The following NKAIN2 variants were observed in gnomAD, a reference collection of about 807,000 sequenced individuals.
NKAIN2 encodes sodium/potassium-transporting ATPase subunit beta-1-interacting protein 2.
NKAIN2 carries 14 observed loss-of-function variants against 32.6 expected under a neutral mutation model. That is an observed-to-expected ratio of 0.43 (90% CI 0.28 to 0.67). The LOEUF is 0.67. Ranked by LOEUF, NKAIN2 falls within the 30% of genes least tolerant of loss-of-function variation. The pLI is 0.17. For synonymous variants in NKAIN2, 80 were observed against 87.2 expected (o/e 0.92, Z 0.46); for missense variants, 198 against 258.3 (o/e 0.77, Z 1.60).
At chr6:124,713,445 A>G (rs1008339557) in intron 4 of NKAIN2, among the ~76,000 whole-genome samples, 4 of 152,246 alleles carry the variant, frequency 2.6e-5, no homozygotes, top group Non-Finnish European at 5.9e-5. Flanking sequence ...CAAGTCCACT[A>G]TCAGTCAACG....
At chr6:124,069,906 A>G (rs1220993822) in intron 1 of NKAIN2, among the ~76,000 whole-genome samples, 1 of 152,178 alleles carries the variant, frequency 6.6e-6, no homozygotes, top group African/African-American at 2.4e-5. Context: ...AGCTGTGACA[A>G]GTCGTGATTG....
chr6:123,887,675 A>G (rs1239854626), intron 1 of NKAIN2, among the ~76,000 whole-genome samples: 2 of 152,098 alleles, frequency 1.3e-5, no homozygotes, highest in Non-Finnish European at 2.9e-5. Context: ...GATCTTACCA[A>G]AGATCTTCCA....
intron 1 of NKAIN2, among the ~76,000 whole-genome samples, chr6:124,208,122 G>A (rs1790987913): frequency 6.6e-6 from 1 of 151,780 alleles, no homozygotes; most frequent in South Asian, 2.1e-4. Flanking sequence ...CAAGCTGTAG[G>A]CTACAATAGA....
chr6:123,889,242 G>A (rs1320940267), intron 1 of NKAIN2, among the ~76,000 whole-genome samples: 1 of 152,020 alleles, frequency 6.6e-6, no homozygotes, highest in African/African-American at 2.4e-5. Context: ...CTCCTAGGGG[G>A]CATTGTGACT....
intron 1 of NKAIN2, among the ~76,000 whole-genome samples, chr6:124,240,401 C>T (rs1400590211): frequency 6.6e-6 from 1 of 152,004 alleles, no homozygotes; most frequent in African/African-American, 2.4e-5. Flanking sequence ...TTTATGAGGC[C>T]AGCATTATCC....
At chr6:124,531,746 T>C (rs1182901815) in intron 3 of NKAIN2, among the ~76,000 whole-genome samples, 1 of 152,144 alleles carries the variant, frequency 6.6e-6, no homozygotes, top group Non-Finnish European at 1.5e-5. Context: ...ATGATCTCCA[T>C]GGCCACCTCC....
intron 2 of NKAIN2, among the ~76,000 whole-genome samples, chr6:124,351,533 G>C (rs1327482185): frequency 6.7e-6 from 1 of 148,946 alleles, no homozygotes; most frequent in African/African-American, 2.5e-5. Flanking sequence ...AAGAAAAGAA[G>C]AAGAAATCAT....
Position 124,098,741 on chromosome 6 carries a change from G to C in NKAIN2, c.55-184264G>C, listed in dbSNP as rs1425396965. On this transcript the variant is annotated intron_variant, in intron 1 of 6. Transcript: ENST00000368417. ...AAAAATGAGCCAGGAGTGGTGGCAC[G>C]TGTCTGTAGTCCCAGCTACACGGGA... Among the ~76,000 whole-genome samples, 4 of 151,918 alleles carry C rather than the reference G, an allele frequency of 2.6e-5. No individual in the cohort carries two copies. In the South Asian group the frequency reaches 8.3e-4, roughly 32 times the overall value.
chr6:123,882,456 G>T (rs948720060), intron 1 of NKAIN2, among the ~76,000 whole-genome samples: 1 of 152,070 alleles, frequency 6.6e-6, no homozygotes, highest in Non-Finnish European at 1.5e-5. Context: ...AAAATTAATA[G>T]AAGGAGGTAA....
At chr6:124,474,913 TATA>T (rs1777137514) in intron 3 of NKAIN2, among the ~76,000 whole-genome samples, 1 of 121,886 alleles carries the variant, frequency 8.2e-6, no homozygotes, top group Admixed American at 8.6e-5. Flanking sequence ...TATTATATAC[TATA>T]TATGTATGCA....
At chr6:124,534,749 A>T (rs1195202401) in intron 3 of NKAIN2, among the ~76,000 whole-genome samples, 1 of 152,034 alleles carries the variant, frequency 6.6e-6, no homozygotes, top group Non-Finnish European at 1.5e-5. Context: ...CTCCTTCATG[A>T]AGCTTTCTCT....
chr6:123,822,847 A>T (rs1441155627), intron 1 of NKAIN2, among the ~76,000 whole-genome samples: 2 of 152,192 alleles, frequency 1.3e-5, no homozygotes, highest in Non-Finnish European at 2.9e-5. Context: ...TGTTGGAAGA[A>T]TTTGAGTAGT....
At chr6:124,233,543 T>G (rs1792573494) in intron 1 of NKAIN2, among the ~76,000 whole-genome samples, 1 of 152,188 alleles carries the variant, frequency 6.6e-6, no homozygotes, top group East Asian at 1.9e-4. Flanking sequence ...GCTTGGTCCT[T>G]TTCCTTGTCT....
At chr6:123,823,349 T>A (rs1294013859) in intron 1 of NKAIN2, 1 of 152,098 alleles carries the variant, frequency 6.6e-6, no homozygotes, top group Non-Finnish European at 1.5e-5. Context: ...TTTAGAGAAG[T>A]AATTGTTGAG....
intron 3 of NKAIN2, among the ~76,000 whole-genome samples, chr6:124,480,980 A>G (rs190796958): frequency 6.6e-6 from 1 of 152,252 alleles, no homozygotes; most frequent in East Asian, 1.9e-4. Context: ...TATTAGGAGT[A>G]ACACTGGGCG....
chr6:124,529,134 T>C lies in NKAIN2; in HGVS notation c.274-129052T>C, dbSNP rs138084178. Among the ~76,000 whole-genome samples the C allele has an allele frequency of 2.7e-3, 413 of 152,366 alleles. 4 individuals are homozygous for C. Among genetic ancestry groups the C allele is most frequent in the Middle Eastern group, 0.01 (3 of 294 alleles). On this transcript the variant is annotated intron_variant, in intron 3 of 6. Transcript: ENST00000368417. ...TTCCAGGTAAAGAAATAATTTCTTA[T>C]GTCTTTTACTAACATTAGTTTCTAG...
At chr6:123,810,392 A>T (rs2114860703) in intron 1 of NKAIN2, among the ~76,000 whole-genome samples, 1 of 151,938 alleles carries the variant, frequency 6.6e-6, no homozygotes, top group Non-Finnish European at 1.5e-5. Flanking sequence ...AGGTTTAGAG[A>T]GGTGGGGTTG....
At chr6:124,042,098 A>G (rs1336747422) in intron 1 of NKAIN2, among the ~76,000 whole-genome samples, 2 of 152,102 alleles carry the variant, frequency 1.3e-5, no homozygotes, top group Non-Finnish European at 2.9e-5. Context: ...AATGATTTTG[A>G]TTACCTCGGA....
intron 1 of NKAIN2, among the ~76,000 whole-genome samples, chr6:124,129,785 G>A (rs1786363870): frequency 6.6e-6 from 1 of 151,900 alleles, no homozygotes; most frequent in South Asian, 2.1e-4. Context: ...GCCCAGCTAA[G>A]TTTTTGTATT....
Sources: gnomAD v4.1 joint callset for allele counts (sites outside exome capture counted in the v4.1 genomes callset) on GRCh38, gnomAD v4.1.1 for gene constraint, MANE v1.5 for transcripts, NCBI Gene and HGNC (gene_info 2026-07-23, HGNC 2026-07-21) for gene names.